DCC: variants seen among roughly 807,000 people sequenced by gnomAD.
The protein encoded by DCC is netrin receptor DCC.
A neutral mutation model predicts 172.5 loss-of-function variants in DCC; 58 were observed. The ratio of observed to expected loss-of-function variants is 0.34; its 90% CI spans 0.27 to 0.42. DCC has a LOEUF of 0.42. Among genes scored for constraint, DCC ranks in the 10% least tolerant of loss-of-function variants. DCC has a pLI of 1.00. For synonymous variants in DCC, 709 were observed against 644.5 expected, an observed-to-expected ratio of 1.10 and a Z score of -1.52; for missense variants, 1,740 against 1,791.0, an observed-to-expected ratio of 0.97 and a Z score of 0.51.
At chr18:52,570,952 G>C (rs778922876) in intron 1 of DCC, among the ~76,000 whole-genome samples, 1 of 152,074 alleles carries the variant, frequency 6.6e-6, no homozygotes, top group Non-Finnish European at 1.5e-5. Flanking sequence ...AGAGGTTTTA[G>C]CTTACTTTAG....
intron 1 of DCC, among the ~76,000 whole-genome samples, chr18:52,407,158 C>T (rs1391310029): frequency 1.3e-5 from 2 of 152,008 alleles, no homozygotes; most frequent in African/African-American, 2.4e-5. Context: ...TATTTTTGCT[C>T]CATGATTGCT....
chr18:53,336,663 A>T (rs1370822155), intron 14 of DCC, among the ~76,000 whole-genome samples: 1 of 152,190 alleles, frequency 6.6e-6, no homozygotes, highest in Admixed American at 6.5e-5. Context: ...ACCAGCCTGA[A>T]CAACATAGCA....
chr18:52,789,132 T>C (rs1244692688), intron 2 of DCC, among the ~76,000 whole-genome samples: 1 of 152,164 alleles, frequency 6.6e-6, no homozygotes, highest in Non-Finnish European at 1.5e-5. Context: ...TCTATCATGA[T>C]GCGAGGTAAT....
At chr18:53,003,703 TCCTC>T (rs1195444859) in intron 5 of DCC, among the ~76,000 whole-genome samples, 1 of 152,018 alleles carries the variant, frequency 6.6e-6, no homozygotes, top group Non-Finnish European at 1.5e-5. Context: ...AGGAGACTTT[TCCTC>T]CCTTTTTTCA....
chr18:52,610,151 TAAAAAAAAAAAA>T (rs1171109968), intron 1 of DCC, among the ~76,000 whole-genome samples: 704 of 18,662 alleles, frequency 0.038, 42 homozygotes, highest in South Asian at 0.058. Flanking sequence ...CCATCTCTCA[TAAAAAAAAAAAA>T]AAAAAAAAAA....
At chr18:53,390,534 C>A (rs1027591643) in intron 16 of DCC, among the ~76,000 whole-genome samples, 2 of 152,012 alleles carry the variant, frequency 1.3e-5, no homozygotes, top group African/African-American at 4.8e-5. Context: ...ATATGCCCAG[C>A]CTGAGAGTTA....
chr18:52,852,229 G>T (rs2145342112), intron 2 of DCC, among the ~76,000 whole-genome samples: 1 of 151,988 alleles, frequency 6.6e-6, no homozygotes, highest in Middle Eastern at 3.4e-3. Context: ...TACTATTATT[G>T]ACACAAGGAT....
At chr18:52,870,614 T>A (rs2039304174) in intron 2 of DCC, among the ~76,000 whole-genome samples, 1 of 152,082 alleles carries the variant, frequency 6.6e-6, no homozygotes, top group Non-Finnish European at 1.5e-5. Context: ...ATTGGCCTTT[T>A]GAGATATCTT....
At chr18:52,955,538 TTGTC>T (rs1294328293) in intron 5 of DCC, among the ~76,000 whole-genome samples, 2 of 150,152 alleles carry the variant, frequency 1.3e-5, no homozygotes, top group Non-Finnish European at 3.0e-5. Flanking sequence ...TGGGCATACA[TTGTC>T]AGTTAAGTTG....
intron 1 of DCC, among the ~76,000 whole-genome samples, chr18:52,647,365 T>A (rs1749450544): frequency 6.6e-6 from 1 of 152,176 alleles, no homozygotes; most frequent in Admixed American, 6.5e-5. Flanking sequence ...CCTGATTACT[T>A]CTATTCAAAA....
chr18:52,383,587 C>T (rs1985675171), intron 1 of DCC, among the ~76,000 whole-genome samples: 1 of 151,788 alleles, frequency 6.6e-6, no homozygotes, highest in African/African-American at 2.4e-5. Context: ...TCTTTTATGG[C>T]TAGTCTCTTC....
At chr18:53,464,457 T>C (rs1413245898) in intron 24 of DCC, among the ~76,000 whole-genome samples, 1 of 152,130 alleles carries the variant, frequency 6.6e-6, no homozygotes, top group African/African-American at 2.4e-5. Context: ...TATTTAAATT[T>C]CCCAACCTCA....
intron 12 of DCC, among the ~76,000 whole-genome samples, chr18:53,259,964 C>G (rs1251259539): frequency 3.9e-5 from 6 of 152,178 alleles, no homozygotes; most frequent in African/African-American, 1.4e-4. Flanking sequence ...GATCTTCCAT[C>G]ACTGATACCC....
At chr18:52,964,032 G>A (rs1174016298) in intron 5 of DCC, among the ~76,000 whole-genome samples, 1 of 152,090 alleles carries the variant, frequency 6.6e-6, no homozygotes, top group Non-Finnish European at 1.5e-5. Context: ...GATAGAGACA[G>A]CCTTGTAAAT....
intron 9 of DCC, among the ~76,000 whole-genome samples, chr18:53,183,071 TA>T (rs1301595628): frequency 2.6e-5 from 4 of 152,166 alleles, no homozygotes; most frequent in Admixed American, 2.6e-4. Flanking sequence ...AATTGTACAC[TA>T]AAATTACATA....
At chr18:53,278,279 A>G (rs2056829884) in intron 12 of DCC, among the ~76,000 whole-genome samples, 1 of 152,160 alleles carries the variant, frequency 6.6e-6, no homozygotes, top group African/African-American at 2.4e-5. Context: ...AGAAAAGACT[A>G]GAATTTTCCT....
At chr18:52,819,216 A>C (rs114007220) in intron 2 of DCC, among the ~76,000 whole-genome samples, 4 of 151,698 alleles carry the variant, frequency 2.6e-5, no homozygotes, top group African/African-American at 9.7e-5. Flanking sequence ...CAAAGAGCTA[A>C]TCACCCTCCT....
intron 5 of DCC, among the ~76,000 whole-genome samples, chr18:52,926,781 C>A (rs12962795): frequency 0.39 from 57,564 of 146,948 alleles, 11,843 homozygotes; most frequent in Non-Finnish European, 0.47. Context: ...AAATTAGTCT[C>A]TATATATATA....
chr18:53,051,666 T>C (rs973175476), intron 5 of DCC, among the ~76,000 whole-genome samples: 4 of 152,156 alleles, frequency 2.6e-5, no homozygotes, highest in African/African-American at 9.6e-5. Context: ...TATTCTGATA[T>C]TGGATATTAT....
Sources: allele counts gnomAD v4.1 joint callset (sites outside exome capture counted in the v4.1 genomes callset), GRCh38; gene constraint gnomAD v4.1.1; transcripts MANE v1.5; gene names NCBI Gene and HGNC (gene_info 2026-07-23, HGNC 2026-07-21).